NCOA3: variants seen among roughly 807,000 people sequenced by gnomAD.
NCOA3 encodes CBP-interacting protein.
A neutral mutation model predicts 158.8 loss-of-function variants in NCOA3; 51 were observed. The ratio of observed to expected loss-of-function variants is 0.32; its 90% CI spans 0.26 to 0.41. The LOEUF (loss-of-function observed/expected upper bound fraction) is 0.41, where lower values mean the gene tolerates loss of function less well. Ranked by LOEUF, NCOA3 falls within the 10% of genes least tolerant of loss-of-function variation. NCOA3 has a pLI of 1.00. For missense variants in NCOA3, 1,510 were observed against 1,746.6 expected, an observed-to-expected ratio of 0.86 and a Z score of 2.41; for synonymous variants, 537 against 592.4, an observed-to-expected ratio of 0.91 and a Z score of 1.36.
At chr20:47,502,598 T>G (rs1420946966) in intron 1 of NCOA3, among the ~76,000 whole-genome samples, 1 of 152,022 alleles carries the variant, frequency 6.6e-6, no homozygotes, top group Non-Finnish European at 1.5e-5. Flanking sequence ...AGCTTCTTAG[T>G]TTTCTCGGTA....
chr20:47,634,264 G>A, intron 10 of NCOA3, 69 bp downstream of exon 10: 1 of 1,477,012 alleles, frequency 6.8e-7, no homozygotes, highest in Non-Finnish European at 9.2e-7. Context: ...TATTATTAAA[G>A]TAAAAAGGGA....
chr20:47,543,245 G>A (rs980475888), intron 1 of NCOA3, among the ~76,000 whole-genome samples: 1 of 152,098 alleles, frequency 6.6e-6, no homozygotes, highest in African/African-American at 2.4e-5. Context: ...AATTTGAAAT[G>A]CCTTTGTGAC....
intron 2 of NCOA3, among the ~76,000 whole-genome samples, chr20:47,584,582 A>C (rs1035669047): frequency 6.6e-6 from 1 of 151,116 alleles, no homozygotes; most frequent in African/African-American, 2.4e-5. Context: ...ATCATGCTAC[A>C]GCACTCCAGC....
intron 1 of NCOA3, among the ~76,000 whole-genome samples, chr20:47,569,229 C>T (rs1353806363): frequency 6.6e-6 from 1 of 152,086 alleles, no homozygotes; most frequent in African/African-American, 2.4e-5. Flanking sequence ...CGCCTGTAGT[C>T]CCAGCTACTC....
chr20:47,533,333 C>T (rs1218561523), intron 1 of NCOA3, among the ~76,000 whole-genome samples: 2 of 148,260 alleles, frequency 1.3e-5, no homozygotes, highest in South Asian at 2.1e-4. Context: ...TTCTTTTTCC[C>T]CTTCAAATTA....
intron 21 of NCOA3, 138 bp downstream of exon 21, chr20:47,652,718 T>C (rs1371045479): frequency 1.0e-6 from 1 of 1,004,528 alleles, no homozygotes; most frequent in Non-Finnish European, 1.4e-6. Context: ...ATTTGGCTTG[T>C]CCATTTTGAG....
At chr20:47,615,555 T>C (rs2146286154) in intron 2 of NCOA3, among the ~76,000 whole-genome samples, 1 of 152,316 alleles carries the variant, frequency 6.6e-6, no homozygotes, top group Non-Finnish European at 1.5e-5. Flanking sequence ...ATTTTCATGG[T>C]TTTTGAGCTA....
At chr20:47,524,532 C>T (rs145582536) in intron 1 of NCOA3, among the ~76,000 whole-genome samples, 35 of 152,220 alleles carry the variant, frequency 2.3e-4, no homozygotes, top group African/African-American at 7.7e-4. Flanking sequence ...GTCCTCATGC[C>T]AGTTTAGATA....
At chr20:47,523,853 T>C (rs747163021) in intron 1 of NCOA3, among the ~76,000 whole-genome samples, 8 of 152,256 alleles carry the variant, frequency 5.3e-5, no homozygotes, top group Non-Finnish European at 8.8e-5. Flanking sequence ...ATATTTCAGT[T>C]AGAAGGTGCT....
At chr20:47,506,496 ATCT>A (rs1306154848) in intron 1 of NCOA3, among the ~76,000 whole-genome samples, 2 of 152,142 alleles carry the variant, frequency 1.3e-5, no homozygotes, top group African/African-American at 4.8e-5. Flanking sequence ...AAACTGGATA[ATCT>A]TCTTAGGCTG....
chr20:47,550,393 G>T (rs937669939), intron 1 of NCOA3, among the ~76,000 whole-genome samples: 1 of 144,346 alleles, frequency 6.9e-6, no homozygotes, highest in African/African-American at 2.6e-5. Flanking sequence ...GCTGTGAGCT[G>T]AGATCGTGCC....
Position 47,623,952 on chromosome 20 carries a change from G to GT in NCOA3, c.126dup (p.Lys43Ter). On this transcript the variant is annotated frameshift_variant, in exon 4 of 23. Coordinates refer to ENST00000371998, the MANE Select transcript of NCOA3 (RefSeq NM_181659.3). LOFTEE classifies it high-confidence loss of function. ...GAAAAACGGAGACGGGAGCAGGAAA[G>GT]TAAATATATTGAAGAATTGGCTGAG... 1 of 1,613,684 alleles carries GT rather than the reference G, an allele frequency of 6.2e-7. No individual in the cohort carries two copies. Among genetic ancestry groups the GT allele is most frequent in the Non-Finnish European group, 8.5e-7 (1 of 1,179,946 alleles).
chr20:47,607,108 T>G (rs1404816985), intron 2 of NCOA3, among the ~76,000 whole-genome samples: 4 of 152,208 alleles, frequency 2.6e-5, no homozygotes, highest in African/African-American at 9.6e-5. Context: ...AGAGTGCAAG[T>G]TAGATCCAAT....
intron 2 of NCOA3, among the ~76,000 whole-genome samples, chr20:47,601,554 A>G (rs2085863322): frequency 1.3e-5 from 2 of 152,176 alleles, no homozygotes; most frequent in African/African-American, 4.8e-5. Flanking sequence ...AATCTAATAA[A>G]AGGTGAACTG....
chr20:47,635,678 CA>C lies in NCOA3; in HGVS notation c.1472del (p.Lys491ArgfsTer2). The stretch of plus-strand genomic sequence containing the variant: ...ATTTCTCCTCGTAATCGTGGGAGTC[CA>C]AAGATAGCCTCACATCAGTTTTCTC... Reference protein sequence around the residue: ...IMISPRNRGSPKIASHQFSPV... With the variant: ...IMISPRNRGSXKIASHQFSPV... On this transcript the variant is annotated frameshift_variant, in exon 11 of 23. Coordinates refer to ENST00000371998, the MANE Select transcript of NCOA3 (RefSeq NM_181659.3). LOFTEE classifies it high-confidence loss of function. The C allele has an allele frequency of 6.2e-7, 1 of 1,614,052 alleles. No individual in the cohort carries two copies. Among genetic ancestry groups the C allele is most frequent in the Non-Finnish European group, 8.5e-7 (1 of 1,179,978 alleles).
chr20:47,654,394 C>T lies in NCOA3; in HGVS notation c.*977C>T, dbSNP rs1486016748. 4.6e-5 allele frequency: 7 copies of T among 152,472 alleles called. No individual in the cohort carries two copies. The highest frequency in any genetic ancestry group is 8.8e-5 in the Non-Finnish European group (6 of 68,022). The allele number at this position is 152,472 out of a possible 1,614,324, so 9.4% of individuals were successfully genotyped here. On this transcript the variant is annotated 3_prime_UTR_variant, in exon 23 of 23. Coordinates refer to ENST00000371998, the MANE Select transcript of NCOA3 (RefSeq NM_181659.3). ...TGAATAGATTTTTTTGTAAATATGA[C>T]CTTTAAGATATTGTATTATGTAAAA...
At chr20:47,517,116 G>C (rs2084246155) in intron 1 of NCOA3, among the ~76,000 whole-genome samples, 1 of 152,194 alleles carries the variant, frequency 6.6e-6, no homozygotes, top group South Asian at 2.1e-4. Flanking sequence ...TACTCGGGAG[G>C]CTGAGGCAGG....
chr20:47,529,042 C>T (rs1449880820), intron 1 of NCOA3, among the ~76,000 whole-genome samples: 3 of 152,090 alleles, frequency 2.0e-5, no homozygotes, highest in African/African-American at 4.8e-5. Flanking sequence ...GCTGGGATTA[C>T]AGGCGTGAGC....
chr20:47,575,622 A>G (rs936095961), intron 1 of NCOA3, among the ~76,000 whole-genome samples: 10 of 152,226 alleles, frequency 6.6e-5, no homozygotes, highest in Admixed American at 5.9e-4. Context: ...GTTTTCAGAA[A>G]TAACTGGTAT....
Sources: gnomAD v4.1 joint callset for allele counts (sites outside exome capture counted in the v4.1 genomes callset) on GRCh38, gnomAD v4.1.1 for gene constraint, MANE v1.5 for transcripts, NCBI Gene and HGNC (gene_info 2026-07-23, HGNC 2026-07-21) for gene names.